BMPR1B: variants seen among roughly 807,000 people sequenced by gnomAD.
BMPR1B encodes the protein bone morphogenetic protein receptor type-1B.
A neutral mutation model predicts 59.1 loss-of-function variants in BMPR1B; 12 were observed. The ratio of observed to expected loss-of-function variants is 0.20; its 90% CI spans 0.13 to 0.33. The LOEUF (loss-of-function observed/expected upper bound fraction) is 0.33, where lower values mean the gene tolerates loss of function less well. Ranked by LOEUF, BMPR1B falls within the 10% of genes least tolerant of loss-of-function variation. The pLI, the probability that BMPR1B is intolerant of heterozygous loss-of-function variation, is 1.00. For missense variants in BMPR1B, 550 were observed against 610.9 expected (o/e 0.90, Z 1.05); for synonymous variants, 237 against 207.3 (o/e 1.14, Z -1.23).
At chr4:94,970,148 A>G (rs1481628262) in intron 2 of BMPR1B, among the ~76,000 whole-genome samples, 1 of 152,184 alleles carries the variant, frequency 6.6e-6, no homozygotes, top group Non-Finnish European at 1.5e-5. Flanking sequence ...ATAATTCAGC[A>G]TCTTAAAGTG....
At chr4:94,931,563 A>G (rs368862006) in intron 2 of BMPR1B, among the ~76,000 whole-genome samples, 24 of 152,162 alleles carry the variant, frequency 1.6e-4, no homozygotes, top group African/African-American at 4.6e-4. Flanking sequence ...CTACTCTTCA[A>G]TTATATCAGC....
At chr4:94,782,144 G>T in intron 1 of BMPR1B, among the ~76,000 whole-genome samples, 1 of 149,840 alleles carries the variant, frequency 6.7e-6, no homozygotes, top group African/African-American at 2.5e-5. Flanking sequence ...GCTTAATGGT[G>T]TCCTACATTT....
At chr4:95,017,245 C>T (rs1172737450) in intron 3 of BMPR1B, among the ~76,000 whole-genome samples, 3 of 152,208 alleles carry the variant, frequency 2.0e-5, no homozygotes, top group Admixed American at 6.5e-5. Flanking sequence ...GTTTCTCAAA[C>T]GAACTGAAGT....
At chr4:95,033,891 G>A (rs530694132) in intron 3 of BMPR1B, among the ~76,000 whole-genome samples, 69 of 152,228 alleles carry the variant, frequency 4.5e-4, no homozygotes, top group East Asian at 1.2e-3. Context: ...GGAAGATGGC[G>A]TGCATAATTA....
chr4:94,933,703 G>T (rs1729180134), intron 2 of BMPR1B, among the ~76,000 whole-genome samples: 1 of 152,088 alleles, frequency 6.6e-6, no homozygotes, highest in Non-Finnish European at 1.5e-5. Context: ...GACTGTCATT[G>T]TAAACTGAGT....
intron 2 of BMPR1B, among the ~76,000 whole-genome samples, chr4:94,987,083 A>G (rs1180166490): frequency 7.0e-6 from 1 of 142,740 alleles, no homozygotes; most frequent in Non-Finnish European, 1.5e-5. Flanking sequence ...TTTATGTTAT[A>G]TATGTATTAT....
chr4:94,839,441 C>T (rs1724955737), intron 1 of BMPR1B, among the ~76,000 whole-genome samples: 1 of 147,300 alleles, frequency 6.8e-6, no homozygotes, highest in Non-Finnish European at 1.5e-5. Flanking sequence ...AATCTGGGTG[C>T]TCCTGTATTG....
intron 3 of BMPR1B, among the ~76,000 whole-genome samples, chr4:95,086,489 C>T (rs1322103721): frequency 1.3e-5 from 2 of 152,118 alleles, no homozygotes; most frequent in African/African-American, 4.8e-5. Context: ...GTTTTCATGA[C>T]ATGACAAAAA....
At chr4:95,120,745 CTCTT>C (rs1396314067) in intron 6 of BMPR1B, among the ~76,000 whole-genome samples, 1 of 150,200 alleles carries the variant, frequency 6.7e-6, no homozygotes, top group Non-Finnish European at 1.5e-5. Flanking sequence ...GTCTGTCTCT[CTCTT>C]TCTCTCTCTC....
intron 2 of BMPR1B, among the ~76,000 whole-genome samples, chr4:94,946,456 A>T (rs1318018498): frequency 6.6e-6 from 1 of 152,178 alleles, no homozygotes; most frequent in African/African-American, 2.4e-5. Context: ...GAAACATCTA[A>T]TACATAGAGT....
chr4:94,874,667 A>G (rs1359587732), intron 1 of BMPR1B, among the ~76,000 whole-genome samples: 1 of 152,138 alleles, frequency 6.6e-6, no homozygotes, highest in Non-Finnish European at 1.5e-5. Context: ...TATAGATCAA[A>G]GTCAGTTTAT....
intron 3 of BMPR1B, among the ~76,000 whole-genome samples, chr4:95,088,651 TG>T (rs1027476528): frequency 7.2e-5 from 11 of 152,272 alleles, no homozygotes; most frequent in African/African-American, 2.4e-4. Flanking sequence ...CCAAATATTA[TG>T]GGCTTAATAA....
chr4:95,010,036 A>G (rs1723112424), intron 3 of BMPR1B, among the ~76,000 whole-genome samples: 1 of 152,174 alleles, frequency 6.6e-6, no homozygotes, highest in South Asian at 2.1e-4. Flanking sequence ...AAGAGCATAA[A>G]CCAAACAGAT....
intron 2 of BMPR1B, among the ~76,000 whole-genome samples, chr4:94,977,167 C>T (rs778731915): frequency 3.0e-4 from 46 of 152,080 alleles, no homozygotes; most frequent in Non-Finnish European, 5.6e-4. Flanking sequence ...CCAGAGATTC[C>T]CTGTGAGGCT....
At chr4:94,770,574 G>A (rs1038655316) in intron 1 of BMPR1B, among the ~76,000 whole-genome samples, 1 of 151,936 alleles carries the variant, frequency 6.6e-6, no homozygotes, top group African/African-American at 2.4e-5. Context: ...TCACATGCTG[G>A]AAAAACTTAG....
chr4:94,761,024 A>G (rs577703693), intron 1 of BMPR1B, among the ~76,000 whole-genome samples: 3 of 152,326 alleles, frequency 2.0e-5, no homozygotes, highest in Non-Finnish European at 4.4e-5. Context: ...TCAGAAATAG[A>G]AAGTGAGGCT....
At position 95,131,279 on chromosome 4, in the gene BMPR1B, T is replaced by C; in HGVS notation, c.843T>C (p.Tyr281=). The change falls in exon 10 of 13, where the codon TAT becomes TAC. Residue 281 remains tyrosine, a synonymous_variant. Coordinates refer to ENST00000515059, the MANE Select transcript of BMPR1B (RefSeq NM_001203.3). The part of the protein sequence containing the change: ...SWTQLYLITD[Y]HENGSLYDYL... ...CCCAGTTGTACCTAATCACAGACTA[T>C]CATGAAAATGGTTCCCTTTATGATT... 6.2e-6 allele frequency: 10 copies of C among 1,613,932 alleles called. No homozygotes were observed. Among genetic ancestry groups the C allele is most frequent in the Non-Finnish European group, 8.5e-6 (10 of 1,179,932 alleles).
intron 2 of BMPR1B, among the ~76,000 whole-genome samples, chr4:94,970,239 TTCTTCTCTTC>T (rs10591546): frequency 0.095 from 12,113 of 127,248 alleles, 746 homozygotes; most frequent in East Asian, 0.22. Flanking sequence ...CTGTTTGTTT[TTCTTCTCTTC>T]TCTTCTCTTC....
chr4:95,063,499 G>T (rs766664354), intron 3 of BMPR1B, among the ~76,000 whole-genome samples: 1 of 152,084 alleles, frequency 6.6e-6, no homozygotes, highest in Non-Finnish European at 1.5e-5. Flanking sequence ...TAAATAACTT[G>T]CTCGAGGTCA....
Sources: allele counts gnomAD v4.1 joint callset (sites outside exome capture counted in the v4.1 genomes callset), GRCh38; gene constraint gnomAD v4.1.1; transcripts MANE v1.5; gene names NCBI Gene and HGNC (gene_info 2026-07-23, HGNC 2026-07-21).